RAB2A: variants seen among roughly 807,000 people sequenced by gnomAD.
RAB2A encodes RAB2A, member RAS oncogene family, also known as ras-related protein Rab-2A.
Under a neutral mutation model 32.5 loss-of-function variants are expected in RAB2A, and 7 were observed. The ratio of observed to expected loss-of-function variants is 0.22; its 90% CI spans 0.12 to 0.40. The LOEUF is 0.40. RAB2A is among the 10% of genes least tolerant of loss of function. The probability of loss-of-function intolerance (pLI) is 1.00; values close to 1 mark genes in which losing one functional copy is unlikely to be tolerated. For missense variants in RAB2A, 108 were observed against 260.7 expected (o/e 0.41, Z 4.03); for synonymous variants, 79 against 85.2 (o/e 0.93, Z 0.40).
chr8:60,548,824 C>T (rs1348106937), intron 1 of RAB2A, among the ~76,000 whole-genome samples: 1 of 151,044 alleles, frequency 6.6e-6, no homozygotes, highest in African/African-American at 2.4e-5. Flanking sequence ...GGGGCTGACC[C>T]CCCCACCTCC....
intron 6 of RAB2A, among the ~76,000 whole-genome samples, chr8:60,615,975 G>T (rs1391948274): frequency 3.9e-5 from 6 of 151,976 alleles, no homozygotes; most frequent in Non-Finnish European, 8.8e-5. Context: ...ATGCTCAGGG[G>T]GTAGAAAATA....
chr8:60,590,377 C>G (rs1259619790), intron 5 of RAB2A, among the ~76,000 whole-genome samples: 1 of 151,348 alleles, frequency 6.6e-6, no homozygotes, highest in Non-Finnish European at 1.5e-5. Flanking sequence ...GTGTCTCAGT[C>G]CTGTAGTCCT....
At chr8:60,616,214 A>C (rs1402789055) in intron 6 of RAB2A, among the ~76,000 whole-genome samples, 2 of 152,218 alleles carry the variant, frequency 1.3e-5, no homozygotes, top group African/African-American at 2.4e-5. Flanking sequence ...GACTTACTTA[A>C]TTTTATGTAG....
chr8:60,599,862 G>A lies in RAB2A; in HGVS notation c.474+7893G>A, dbSNP rs992535172. Among the ~76,000 whole-genome samples the A allele has an allele frequency of 5.3e-5, 8 of 152,170 alleles. No homozygotes were observed. The East Asian group carries it at 5.8e-4, about 11-fold the overall frequency. ...AAAATTTCAGTATCTGAGCCTTAGC[G>A]TATGTGTCACCAAAAGGATGATTCA... On this transcript the variant is annotated intron_variant, in intron 6 of 7. Coordinates refer to ENST00000262646, the MANE Select transcript of RAB2A (RefSeq NM_002865.3).
At chr8:60,565,319 T>C (rs1269660711) in intron 2 of RAB2A, among the ~76,000 whole-genome samples, 1 of 150,422 alleles carries the variant, frequency 6.6e-6, no homozygotes, top group Admixed American at 6.7e-5. Flanking sequence ...CTTGGTAGAC[T>C]GAGGCGGGAG....
At chr8:60,593,478 A>C (rs1229566556) in intron 6 of RAB2A, among the ~76,000 whole-genome samples, 1 of 152,160 alleles carries the variant, frequency 6.6e-6, no homozygotes, top group East Asian at 1.9e-4. Context: ...AAGCCAGAAC[A>C]CTCTTAGAAA....
intron 6 of RAB2A, among the ~76,000 whole-genome samples, chr8:60,612,894 A>G (rs1258373362): frequency 4.6e-5 from 7 of 152,182 alleles, no homozygotes; most frequent in Non-Finnish European, 7.3e-5. Context: ...TCTCATTCCA[A>G]AAGGTGGCCC....
At chr8:60,517,280 G>C (rs1202081924) in intron 1 of RAB2A, 27 bp downstream of exon 1, 3 of 1,476,472 alleles carry the variant, frequency 2.0e-6, no homozygotes, top group Admixed American at 5.0e-5. Context: ...CGGCCGGGCG[G>C]GTGTCGGCGG....
intron 1 of RAB2A, among the ~76,000 whole-genome samples, chr8:60,537,454 C>T (rs1454406915): frequency 6.6e-6 from 1 of 152,106 alleles, no homozygotes; most frequent in African/African-American, 2.4e-5. Flanking sequence ...AACTTGTAAC[C>T]TCAGGTAATC....
chr8:60,601,934 C>CT (rs1251617810), intron 6 of RAB2A, among the ~76,000 whole-genome samples: 20 of 152,168 alleles, frequency 1.3e-4, no homozygotes, highest in African/African-American at 4.8e-4. Flanking sequence ...GTCACCCAGG[C>CT]TGGGGTACTG....
intron 1 of RAB2A, among the ~76,000 whole-genome samples, chr8:60,527,155 G>A (rs1027345419): frequency 6.6e-6 from 1 of 152,024 alleles, no homozygotes; most frequent in Admixed American, 6.6e-5. Context: ...GAAAGAGAGA[G>A]TGAAGGGGGA....
intron 6 of RAB2A, among the ~76,000 whole-genome samples, chr8:60,615,732 C>T (rs1295051429): frequency 6.6e-6 from 1 of 152,152 alleles, no homozygotes; most frequent in African/African-American, 2.4e-5. Flanking sequence ...TCAGCAATTT[C>T]AAAGTCCATG....
At chr8:60,577,787 G>A (rs991661644) in intron 3 of RAB2A, among the ~76,000 whole-genome samples, 32 of 136,246 alleles carry the variant, frequency 2.3e-4, no homozygotes, top group African/African-American at 5.6e-4. Context: ...CACCACGCCC[G>A]GCTAATTTTT....
In RAB2A at chr8:60,598,026, T is replaced by C. The variant is rs374682543; in HGVS notation, c.474+6057T>C. Among the ~76,000 whole-genome samples, 14 of 152,156 alleles carry C rather than the reference T, an allele frequency of 9.2e-5. No homozygotes were observed. In the East Asian group the frequency reaches 2.5e-3, roughly 27 times the overall value. On this transcript the variant is annotated intron_variant, in intron 6 of 7. Transcript: ENST00000262646. Reference sequence around the variant, plus strand: ...GAGCCTGGGCAACATGGTGAAACCCTGTCTCTACTGAAAATACAAAAAGTA... The same window carrying C: ...GAGCCTGGGCAACATGGTGAAACCCCGTCTCTACTGAAAATACAAAAAGTA...
intron 3 of RAB2A, among the ~76,000 whole-genome samples, chr8:60,577,077 G>A (rs1803646710): frequency 6.7e-6 from 1 of 150,264 alleles, no homozygotes; most frequent in Non-Finnish European, 1.5e-5. Flanking sequence ...GCAGGATCTT[G>A]CCCTGTTGCC....
At position 60,586,390 on chromosome 8, in the gene RAB2A, AAAAGAG is replaced by A. The variant is rs1426631717; in HGVS notation, c.362+1577_362+1582del. 2.7e-5 allele frequency among the ~76,000 whole-genome samples: 4 copies of A among 147,724 alleles called. No homozygotes were observed. The South Asian group carries it at 6.6e-4, about 24-fold the overall frequency. Reference sequence around the variant, plus strand: ...GGAAAGCCTCCTGCCCGTTAAAAAAAAAAGAGAGAGAGAAAACCAATGAAACCAAAA... The same window carrying A: ...GGAAAGCCTCCTGCCCGTTAAAAAAAAGAGAGAAAACCAATGAAACCAAAA... On this transcript the variant is annotated intron_variant, in intron 5 of 7. Transcript: ENST00000262646.
chr8:60,588,758 A>G (rs1311779555), intron 5 of RAB2A, among the ~76,000 whole-genome samples: 2 of 152,198 alleles, frequency 1.3e-5, no homozygotes, highest in Non-Finnish European at 2.9e-5. Context: ...TTAAAACTCA[A>G]CAAATTTTGC....
intron 1 of RAB2A, 25 bp downstream of exon 1, chr8:60,517,278 C>T (rs555639085): frequency 2.7e-6 from 4 of 1,475,740 alleles, no homozygotes; most frequent in Admixed American, 2.5e-5. Flanking sequence ...CGCGGCCGGG[C>T]GGGTGTCGGC....
intron 1 of RAB2A, among the ~76,000 whole-genome samples, chr8:60,548,838 C>T (rs1208784189): frequency 6.6e-6 from 1 of 151,412 alleles, no homozygotes; most frequent in African/African-American, 2.4e-5. Flanking sequence ...CACCTCCCTC[C>T]CGGACGAGGT....
Sources: allele counts gnomAD v4.1 joint callset (sites outside exome capture counted in the v4.1 genomes callset), GRCh38; gene constraint gnomAD v4.1.1; transcripts MANE v1.5; gene names NCBI Gene and HGNC (gene_info 2026-07-23, HGNC 2026-07-21).